PSG6: variants seen among roughly 807,000 people sequenced by gnomAD.
PSG6 encodes pregnancy-specific beta-1-glycoprotein 6.
A neutral mutation model predicts 43.3 loss-of-function variants in PSG6; 51 were observed. The ratio of observed to expected loss-of-function variants is 1.18; its 90% CI spans 0.94 to 1.49. The LOEUF (loss-of-function observed/expected upper bound fraction) is 1.49. PSG6 is among the 40% of genes most tolerant of loss of function. The probability of loss-of-function intolerance (pLI) is 0.00; values close to 1 mark genes in which losing one functional copy is unlikely to be tolerated. For synonymous variants in PSG6, 292 were observed against 197.6 expected (o/e 1.48, Z -4.01); for missense variants, 770 against 522.2 (o/e 1.47, Z -4.62).
rs1311291933 is a variant in PSG6, at chr19:42,917,065, T to C, written c.65-578A>G. 2.9e-5 allele frequency among the ~76,000 whole-genome samples: 4 copies of C among 136,944 alleles called. 1 individual carries two copies. The highest frequency in any genetic ancestry group is 6.2e-5 in the Non-Finnish European group (4 of 64,628). 89.8% of individuals were successfully genotyped at this position (136,944 alleles called of 152,430 possible). ...ATGTGAGAGTTCTCAGGGCCCTCCA[T>C]GCCCTGGGTGTTTTTTTTCCCCCAA... On this transcript the variant is annotated intron_variant, in intron 1 of 5. Transcript: ENST00000187910.
rs752199373 is a variant in PSG6 at position 42,907,182 on chromosome 19, G to A, written c.986-6C>T. 1 of 1,610,294 alleles carries A rather than the reference G, an allele frequency of 6.2e-7. No individual in the cohort carries two copies. Among genetic ancestry groups the A allele is most frequent in the South Asian group, 1.1e-5 (1 of 90,486 alleles). ...TCTGGGGAGGTCTGGACCATCTGGA[G>A]GAAAGAGAATAAAGCCACAGGTGAT... On this transcript the variant is annotated splice_region_variant and splice_polypyrimidine_tract_variant and intron_variant, in intron 4 of 5. Transcript: ENST00000187910.
rs1972142234 is a variant in PSG6, at chr19:42,907,678, T to A, written c.883A>T (p.Ile295Phe). The change falls in exon 4 of 6, where the codon ATT (isoleucine) becomes TTT (phenylalanine). Residue 295 changes from isoleucine (I) to phenylalanine (F), a missense_variant. Ile to Phe is a conservative substitution (Grantham distance 21, BLOSUM62 0). Transcript: ENST00000187910. ...VKRPIENRILILPSVTRNETG... is the reference protein window; with the variant it reads ...VKRPIENRILFLPSVTRNETG... ...TCATTTCTCGTGACACTGGGTAGAA[T>A]GAGTATCCTGTTTTCAATGGGTCGC... The A allele has an allele frequency of 2.5e-6, 4 of 1,611,014 alleles. No homozygotes were observed. The African/African-American group carries it at 4.0e-5, about 16-fold the overall frequency.
At chr19:42,917,419 A>T (rs192518191) in intron 1 of PSG6, among the ~76,000 whole-genome samples, 10 of 137,586 alleles carry the variant, frequency 7.3e-5, no homozygotes, top group Admixed American at 2.4e-4. Flanking sequence ...GCTGGCGTGC[A>T]GTGGTGCTGT....
At chr19:42,903,605 T>C (rs1972067568) in intron 5 of PSG6, 2 of 1,406,034 alleles carry the variant, frequency 1.4e-6, no homozygotes, top group Non-Finnish European at 1.9e-6. Flanking sequence ...TAAATGAAAA[T>C]GGACTCTGAG....
At chr19:42,914,664 T>C (rs1972291257) in intron 2 of PSG6, among the ~76,000 whole-genome samples, 1 of 151,440 alleles carries the variant, frequency 6.6e-6, no homozygotes, top group Non-Finnish European at 1.5e-5. Flanking sequence ...GGGACAGGTG[T>C]GGCTAGAACC....
In PSG6 at chr19:42,904,498, G is replaced by C. The variant is rs1437210487; in HGVS notation, c.1241-2052C>G. ...AGTTGTATTTCAATACACTAACCAT[G>C]AACAATCTGAAGGGAAATTAAGAAA... is the stretch of plus-strand genomic sequence containing the variant. On this transcript the variant is annotated intron_variant, in intron 5 of 5. Transcript: ENST00000187910. 1.3e-5 allele frequency among the ~76,000 whole-genome samples: 2 copies of C among 151,444 alleles called. 1 individual carries two copies. The highest frequency in any genetic ancestry group is 2.9e-5 in the Non-Finnish European group (2 of 67,896).
In PSG6 at chr19:42,902,407, A is replaced by C; in HGVS notation, c.*5T>G. ...TTTTTCTCAGTGTCTCTATTGTGGCAGCCATTAATGAGACTCTGTCTGGTT... is the reference window on the plus strand; with the variant it reads ...TTTTTCTCAGTGTCTCTATTGTGGCCGCCATTAATGAGACTCTGTCTGGTT... On this transcript the variant is annotated 3_prime_UTR_variant, in exon 6 of 6. Transcript: ENST00000187910. The C allele has an allele frequency of 1.9e-6, 3 of 1,610,904 alleles. No individual in the cohort carries two copies. The highest frequency in any genetic ancestry group is 2.5e-6 in the Non-Finnish European group (3 of 1,178,148).
In PSG6 at chr19:42,916,334, G is replaced by A. The variant is rs140974685; in HGVS notation, c.218C>T (p.Thr73Met). The A allele has an allele frequency of 7.1e-5, 115 of 1,611,944 alleles. 4 individuals are homozygous for A. The East Asian group carries it at 1.7e-3, about 24-fold the overall frequency. The change falls in exon 2 of 6, where the codon ACG becomes ATG. Residue 73 changes from threonine (T) to methionine (M), a missense_variant. By Grantham distance (81) the Thr-to-Met change is moderately conservative. Coordinates refer to ENST00000187910, the MANE Select transcript of PSG6 (RefSeq NM_001031850.4). Reference sequence around the variant, plus strand: ...TGATGTAATGTAATGGTAGAGGTCCGTCATTTGCCCTTTGTACCAGATGTA... The same window carrying A: ...TGATGTAATGTAATGGTAGAGGTCCATCATTTGCCCTTTGTACCAGATGTA... ...TGYIWYKGQM[T>M]DLYHYITSYV...
intron 5 of PSG6, chr19:42,903,637 C>T (rs763698724): frequency 1.1e-5 from 17 of 1,513,398 alleles, no homozygotes; most frequent in South Asian, 3.9e-5. Flanking sequence ...ATGTTTTAAT[C>T]CTAGCACTTT....
At chr19:42,912,534 G>A (rs1160447646) in intron 2 of PSG6, among the ~76,000 whole-genome samples, 1 of 151,746 alleles carries the variant, frequency 6.6e-6, no homozygotes, top group Non-Finnish European at 1.5e-5. Flanking sequence ...GGACCGAACT[G>A]GTTAGTGTGT....
chr19:42,916,464 G>T lies in PSG6; in HGVS notation c.88C>A (p.Leu30Met), dbSNP rs1470256528. The part of the protein sequence containing the change: ...LTASLLNFWN[L>M]PTTAQVIIEA... ...ATTATTACTTGGGCAGTGGTGGGCA[G>T]GTTCCAGAAGTTTAAAAGTGATGCT... The change falls in exon 2 of 6, where the codon CTG becomes ATG. Residue 30 changes from leucine to methionine, a missense_variant. Physicochemically the swap from Leu to Met is conservative, Grantham distance 15. Coordinates refer to ENST00000187910, the MANE Select transcript of PSG6 (RefSeq NM_001031850.4). The T allele has an allele frequency of 6.2e-7, 1 of 1,611,300 alleles. No individual in the cohort carries two copies. Among genetic ancestry groups the T allele is most frequent in the Non-Finnish European group, 8.5e-7 (1 of 1,178,738 alleles).
chr19:42,911,165 A>G (rs749166032), intron 2 of PSG6, among the ~76,000 whole-genome samples: 5 of 151,524 alleles, frequency 3.3e-5, no homozygotes, highest in African/African-American at 7.3e-5. Context: ...TCCGTCTCCA[A>G]CTGCCTGCCT....
chr19:42,902,176 C>A lies in PSG6; in HGVS notation c.*236G>T. ...GGGGCACTCAGATAGAGAGCAAAAG[C>A]AAATGTTTCAATTTTTGTTTACAAA... On this transcript the variant is annotated 3_prime_UTR_variant, in exon 6 of 6. Coordinates refer to ENST00000187910, the MANE Select transcript of PSG6 (RefSeq NM_001031850.4). 4.1e-6 allele frequency: 2 copies of A among 492,068 alleles called. No homozygotes were observed. Among genetic ancestry groups the A allele is most frequent in the Non-Finnish European group, 7.2e-6 (2 of 277,202 alleles). The allele number at this position is 492,068 out of a possible 1,614,324, so 30.5% of individuals were successfully genotyped here. A position where few individuals can be genotyped will look rare whatever the true frequency, so the allele number is the denominator to read the frequency against.
intron 2 of PSG6, among the ~76,000 whole-genome samples, chr19:42,912,923 G>T (rs1290152700): frequency 6.6e-6 from 1 of 151,600 alleles, no homozygotes; most frequent in Non-Finnish European, 1.5e-5. Flanking sequence ...CCCGTTAAGT[G>T]TATGTGACAG....
chr19:42,913,758 C>T (rs1458264054), intron 2 of PSG6, among the ~76,000 whole-genome samples: 3 of 151,672 alleles, frequency 2.0e-5, no homozygotes, highest in Non-Finnish European at 4.4e-5. Context: ...TGACCTCATC[C>T]ATACCTATGC....
intron 5 of PSG6, among the ~76,000 whole-genome samples, chr19:42,905,394 A>G (rs527403829): frequency 6.6e-6 from 1 of 151,858 alleles, no homozygotes; most frequent in South Asian, 2.1e-4. Flanking sequence ...GCTTTGATAA[A>G]CAACAACAAT....
At position 42,916,148 on chromosome 19, in the gene PSG6, C is replaced by G. The variant is rs1391644324; in HGVS notation, c.404G>C (p.Gly135Ala). Residue 135 changes from glycine to alanine, a missense_variant, in exon 2 of 6, where the codon GGA becomes GCA. Transcript: ENST00000187910. ...KRGDGTGGVTGYFTVTLYSET... is the reference protein window; with the variant it reads ...KRGDGTGGVTAYFTVTLYSET... ...ACAGTATAAGGTGACAGTGAAATATCCAGTTACTCCTCCAGTCCCATCGCC... is the reference window on the plus strand; with the variant it reads ...ACAGTATAAGGTGACAGTGAAATATGCAGTTACTCCTCCAGTCCCATCGCC... 12 of 1,611,606 alleles carry G rather than the reference C, an allele frequency of 7.4e-6. No homozygotes were observed. The highest frequency in any genetic ancestry group is 1.3e-5 in the African/African-American group (1 of 74,696).
intron 5 of PSG6, among the ~76,000 whole-genome samples, chr19:42,906,207 C>T (rs2122621084): frequency 6.6e-6 from 1 of 151,728 alleles, no homozygotes; most frequent in South Asian, 2.1e-4. Context: ...ACGTGCTGTG[C>T]CCAAAGCCTC....
At chr19:42,902,561 G>T in intron 5 of PSG6, 115 bp from the exon 6 acceptor site, 1 of 1,448,578 alleles carries the variant, frequency 6.9e-7, no homozygotes, top group Non-Finnish European at 9.4e-7. Context: ...AGTTCTCCGA[G>T]GCTCTCTTTA....
Sources: allele counts gnomAD v4.1 joint callset (sites outside exome capture counted in the v4.1 genomes callset), GRCh38; gene constraint gnomAD v4.1.1; transcripts MANE v1.5; gene names NCBI Gene and HGNC (gene_info 2026-07-23, HGNC 2026-07-21).